The following KCNT2 variants were observed in gnomAD, a reference collection of about 807,000 sequenced individuals.
The protein encoded by KCNT2 is potassium channel subfamily T member 2.
KCNT2 carries 67 observed loss-of-function variants against 153.8 expected under a neutral mutation model. That is an observed-to-expected ratio of 0.44 (90% CI 0.36 to 0.53). The LOEUF (loss-of-function observed/expected upper bound fraction) is 0.53, where lower values mean the gene tolerates loss of function less well. Ranked by LOEUF, KCNT2 falls within the 20% of genes least tolerant of loss-of-function variation. KCNT2 has a pLI of 0.00. For missense variants in KCNT2, 975 were observed against 1,354.8 expected, an observed-to-expected ratio of 0.72 and a Z score of 4.40; for synonymous variants, 500 against 458.8, an observed-to-expected ratio of 1.09 and a Z score of -1.15.
chr1:196,523,057 C>T (rs1009441201), intron 1 of KCNT2, among the ~76,000 whole-genome samples: 5 of 152,190 alleles, frequency 3.3e-5, no homozygotes, highest in Non-Finnish European at 4.4e-5. Context: ...TCTTTGGGTC[C>T]ACACTACCTT....
chr1:196,588,636 A>G (rs1040702845), intron 1 of KCNT2, among the ~76,000 whole-genome samples: 1 of 151,996 alleles, frequency 6.6e-6, no homozygotes, highest in African/African-American at 2.4e-5. Flanking sequence ...CTACAATGTT[A>G]CAATAGTATA....
At chr1:196,544,861 T>C (rs1656872688) in intron 1 of KCNT2, among the ~76,000 whole-genome samples, 1 of 152,132 alleles carries the variant, frequency 6.6e-6, no homozygotes, top group South Asian at 2.1e-4. Flanking sequence ...ACAAATGATG[T>C]CTCCTGTGAG....
intron 1 of KCNT2, among the ~76,000 whole-genome samples, chr1:196,579,775 G>A (rs1404570052): frequency 3.3e-5 from 5 of 152,006 alleles, no homozygotes; most frequent in Non-Finnish European, 7.4e-5. Flanking sequence ...TTATGAGCAT[G>A]AGCCACCACA....
chr1:196,379,572 T>C (rs1224982492), intron 13 of KCNT2, among the ~76,000 whole-genome samples: 1 of 54,830 alleles, frequency 1.8e-5, no homozygotes, highest in Non-Finnish European at 3.1e-5. Flanking sequence ...ACTTTCTCTC[T>C]CTCTCTCTCT....
At chr1:196,344,794 T>A (rs564289016) in intron 14 of KCNT2, among the ~76,000 whole-genome samples, 19 of 152,316 alleles carry the variant, frequency 1.2e-4, no homozygotes, top group African/African-American at 4.6e-4. Flanking sequence ...TCTTAAATAA[T>A]TTGCTTATTG....
intron 14 of KCNT2, among the ~76,000 whole-genome samples, chr1:196,349,689 T>C (rs1366624328): frequency 6.6e-6 from 1 of 151,638 alleles, no homozygotes; most frequent in African/African-American, 2.4e-5. Flanking sequence ...TATTTTTTTA[T>C]TATTTTTTAT....
At chr1:196,264,185 A>C (rs1050582952) in intron 25 of KCNT2, among the ~76,000 whole-genome samples, 2 of 152,084 alleles carry the variant, frequency 1.3e-5, no homozygotes, top group Admixed American at 6.6e-5. Context: ...CTGTTTTATA[A>C]CACTGAATAT....
chr1:196,446,507 A>G (rs1267585992), intron 8 of KCNT2, among the ~76,000 whole-genome samples: 1 of 151,442 alleles, frequency 6.6e-6, no homozygotes, highest in Non-Finnish European at 1.5e-5. Context: ...CAGTAAGGGT[A>G]AAAATCTTGA....
At chr1:196,310,744 G>A (rs947489601) in intron 21 of KCNT2, among the ~76,000 whole-genome samples, 4 of 151,668 alleles carry the variant, frequency 2.6e-5, no homozygotes, top group Non-Finnish European at 5.9e-5. Flanking sequence ...TCTTTTAACT[G>A]GTCGGCTCTC....
chr1:196,476,208 G>T (rs1481874310), intron 5 of KCNT2, among the ~76,000 whole-genome samples: 1 of 151,990 alleles, frequency 6.6e-6, no homozygotes, highest in African/African-American at 2.4e-5. Context: ...TTACAGTTTT[G>T]TATATATTCC....
intron 13 of KCNT2, among the ~76,000 whole-genome samples, chr1:196,381,538 A>C (rs1669492535): frequency 6.6e-6 from 1 of 152,208 alleles, no homozygotes; most frequent in Admixed American, 6.6e-5. Context: ...ATAAGCAATC[A>C]GATATTCAGA....
At chr1:196,229,113 C>G (rs966697629) in intron 27 of KCNT2, among the ~76,000 whole-genome samples, 4 of 152,122 alleles carry the variant, frequency 2.6e-5, no homozygotes, top group African/African-American at 9.6e-5. Flanking sequence ...TACAGGCATG[C>G]CTTTTTTATT....
chr1:196,338,888 G>C (rs1411900690), intron 16 of KCNT2, among the ~76,000 whole-genome samples: 1 of 143,960 alleles, frequency 6.9e-6, no homozygotes, highest in Non-Finnish European at 1.5e-5. Context: ...AGAGCGGGTG[G>C]TGAAAAGTCA....
chr1:196,605,238 G>T (rs1053445386), intron 1 of KCNT2, among the ~76,000 whole-genome samples: 1 of 152,154 alleles, frequency 6.6e-6, no homozygotes, highest in Non-Finnish European at 1.5e-5. Flanking sequence ...GTAAGCTTGA[G>T]ATAGGATTGC....
chr1:196,347,226 C>A (rs1666219271), intron 14 of KCNT2, among the ~76,000 whole-genome samples: 1 of 152,084 alleles, frequency 6.6e-6, no homozygotes, highest in African/African-American at 2.4e-5. Context: ...CATTTTACAT[C>A]CTATAGATCT....
At chr1:196,233,569 T>C (rs1438244709) in intron 27 of KCNT2, among the ~76,000 whole-genome samples, 1 of 151,486 alleles carries the variant, frequency 6.6e-6, no homozygotes. Context: ...TACAGAAAAC[T>C]AGCTTATCTT....
intron 14 of KCNT2, among the ~76,000 whole-genome samples, chr1:196,353,717 T>G (rs1558185856): frequency 6.6e-6 from 1 of 152,024 alleles, no homozygotes. Context: ...TCTACTATAC[T>G]TCAAAATAAT....
At chr1:196,428,464 T>G (rs943728448) in intron 9 of KCNT2, among the ~76,000 whole-genome samples, 195 bp from the exon 10 acceptor site, 1 of 152,064 alleles carries the variant, frequency 6.6e-6, no homozygotes, top group Non-Finnish European at 1.5e-5. Flanking sequence ...CCCAGGGGCT[T>G]CGGGTCTCTA....
At chr1:196,552,119 C>T in intron 1 of KCNT2, among the ~76,000 whole-genome samples, 1 of 151,156 alleles carries the variant, frequency 6.6e-6, no homozygotes, top group East Asian at 1.9e-4. Context: ...AAATTCCAAC[C>T]CCTTTTCTTG....
Sources: allele counts gnomAD v4.1 joint callset (sites outside exome capture counted in the v4.1 genomes callset), GRCh38; gene constraint gnomAD v4.1.1; transcripts MANE v1.5; gene names NCBI Gene and HGNC (gene_info 2026-07-23, HGNC 2026-07-21).